The following AGGF1 variants were observed in gnomAD, a reference collection of about 807,000 sequenced individuals.
AGGF1 encodes angiogenic factor with G patch and FHA domains 1.
In AGGF1, 56 loss-of-function variants were observed where a neutral mutation model predicts 86.5. That is an observed-to-expected ratio of 0.65 (90% CI 0.52 to 0.81). The LOEUF is 0.81. Ranked by LOEUF, AGGF1 falls within the 30% of genes least tolerant of loss-of-function variation. The pLI is 0.00. For synonymous variants in AGGF1, 313 were observed against 297.1 expected, an observed-to-expected ratio of 1.05 and a Z score of -0.55; for missense variants, 816 against 850.9, an observed-to-expected ratio of 0.96 and a Z score of 0.51.
chr5:77,036,954 G>C (rs1746980785), intron 4 of AGGF1, among the ~76,000 whole-genome samples: 1 of 152,102 alleles, frequency 6.6e-6, no homozygotes, highest in East Asian at 1.9e-4. Context: ...GGCCAGGCTG[G>C]TCTCGAATTA....
intron 1 of AGGF1, 65 bp downstream of exon 1, chr5:77,031,041 G>C (rs1322856747): frequency 6.4e-7 from 1 of 1,552,664 alleles, no homozygotes; most frequent in Admixed American, 1.7e-5. Flanking sequence ...GCCCGTGATA[G>C]CCTCGGAAGG....
In AGGF1 at chr5:77,030,453, T is replaced by C; in HGVS notation, c.-314T>C. ...GAGCTGCTGGAGCTCTTCTGGCCTC[T>C]GGTTTTCCGACTGCTTATCCGACGC... On this transcript the variant is annotated 5_prime_UTR_variant, in exon 1 of 14. Transcript: ENST00000312916. The C allele has an allele frequency of 1.8e-6, 1 of 561,176 alleles. No homozygotes were observed. The highest frequency in any genetic ancestry group is 3.4e-6 in the Non-Finnish European group (1 of 295,766). The allele number at this position is 561,176 out of a possible 1,614,324, so 34.8% of individuals were successfully genotyped here.
intron 1 of AGGF1, among the ~76,000 whole-genome samples, chr5:77,032,100 A>G (rs1371147889): frequency 1.4e-4 from 22 of 152,096 alleles, no homozygotes; most frequent in Admixed American, 1.4e-3. Context: ...TTGTTTTGTT[A>G]CCAAATGGAC....
At chr5:77,032,630 G>C (rs966010429) in intron 1 of AGGF1, among the ~76,000 whole-genome samples, 5 of 150,260 alleles carry the variant, frequency 3.3e-5, no homozygotes, top group African/African-American at 1.2e-4. Flanking sequence ...TTACATGACA[G>C]CCTTTTGAAA....
In AGGF1 at chr5:77,030,873, T is replaced by G; in HGVS notation, c.107T>G (p.Leu36Arg). 1.9e-6 allele frequency: 3 copies of G among 1,613,428 alleles called. No individual in the cohort carries two copies. The South Asian group carries it at 3.3e-5, about 18-fold the overall frequency. Residue 36 changes from leucine to arginine, a missense_variant, in exon 1 of 14, where the codon CTG becomes CGG. By Grantham distance (102) the Leu-to-Arg change is moderately radical. This residue lies in a region of AGGF1 where 240 missense variants were observed against 234.4 expected (regional missense o/e 1.02). Coordinates refer to ENST00000312916, the MANE Select transcript of AGGF1 (RefSeq NM_018046.5). Reference sequence around the variant, plus strand: ...AAGGTGGAGAAGTTGGAACGTGAACTGCGGAGCTGCAAGCGGCAGGTGCGG... The same window carrying G: ...AAGGTGGAGAAGTTGGAACGTGAACGGCGGAGCTGCAAGCGGCAGGTGCGG... ...RRKVEKLERE[L>R]RSCKRQVREI...
At chr5:77,037,517 C>G (rs1374410146) in intron 4 of AGGF1, among the ~76,000 whole-genome samples, 1 of 152,162 alleles carries the variant, frequency 6.6e-6, no homozygotes, top group African/African-American at 2.4e-5. Flanking sequence ...TGGTGGCTCA[C>G]TCCTTGTAAT....
chr5:77,048,905 A>G (rs1474301806), intron 7 of AGGF1, 31 bp from the exon 8 acceptor site: 1 of 1,607,384 alleles, frequency 6.2e-7, no homozygotes, highest in Admixed American at 1.7e-5. Context: ...TGCTTCAAAA[A>G]TTATTAAAGA....
At chr5:77,039,787 A>G (rs1747036080) in intron 5 of AGGF1, 68 bp downstream of exon 5, 3 of 1,386,938 alleles carry the variant, frequency 2.2e-6, no homozygotes, top group South Asian at 1.3e-5. Context: ...AAAATTTTTT[A>G]TGAAACTGAC....
At chr5:77,040,930 A>G (rs146797083) in intron 5 of AGGF1, among the ~76,000 whole-genome samples, 1 of 151,978 alleles carries the variant, frequency 6.6e-6, no homozygotes, top group African/African-American at 2.4e-5. Flanking sequence ...TGGTGCCATC[A>G]TGGCTCACTG....
At chr5:77,043,455 T>C (rs1747170487) in intron 5 of AGGF1, among the ~76,000 whole-genome samples, 1 of 93,702 alleles carries the variant, frequency 1.1e-5, no homozygotes. Flanking sequence ...GCCCCTCACC[T>C]CCCAGACGGG....
intron 1 of AGGF1, among the ~76,000 whole-genome samples, 198 bp downstream of exon 1, chr5:77,031,174 A>G (rs1331604822): frequency 6.6e-6 from 1 of 152,250 alleles, no homozygotes; most frequent in Non-Finnish European, 1.5e-5. Flanking sequence ...GATTTAAATC[A>G]ATGTCTCGCG....
intron 6 of AGGF1, among the ~76,000 whole-genome samples, chr5:77,047,038 T>G (rs1166629575): frequency 2.0e-5 from 3 of 152,236 alleles, no homozygotes; most frequent in Non-Finnish European, 4.4e-5. Context: ...TTAAAAAGTA[T>G]ACATTATGAA....
chr5:77,034,826 G>T (rs553695453), intron 2 of AGGF1, among the ~76,000 whole-genome samples: 2 of 151,830 alleles, frequency 1.3e-5, no homozygotes, highest in African/African-American at 4.8e-5. Context: ...TTGTGACCAG[G>T]GGCATTTGTT....
At chr5:77,035,469 GTTT>G in intron 2 of AGGF1, 69 bp from the exon 3 acceptor site, 5 of 1,155,560 alleles carry the variant, frequency 4.3e-6, no homozygotes, top group Non-Finnish European at 6.3e-6. Context: ...AAATGCCAGT[GTTT>G]TGTAGTTAAG....
chr5:77,038,485 G>A (rs940775275), intron 4 of AGGF1, among the ~76,000 whole-genome samples: 59 of 152,124 alleles, frequency 3.9e-4, no homozygotes, highest in African/African-American at 1.4e-3. Flanking sequence ...TTTTGAAAAT[G>A]TCTATATTTT....
chr5:77,056,857 G>A (rs1475568465), intron 11 of AGGF1, among the ~76,000 whole-genome samples: 1 of 152,144 alleles, frequency 6.6e-6, no homozygotes, highest in East Asian at 1.9e-4. Context: ...TGCAAATCAT[G>A]TATCTGGTCA....
Position 77,064,904 on chromosome 5 carries a change from T to C in AGGF1, c.*1652T>C, listed in dbSNP as rs1186911781. On this transcript the variant is annotated 3_prime_UTR_variant, in exon 14 of 14. Coordinates refer to ENST00000312916, the MANE Select transcript of AGGF1 (RefSeq NM_018046.5). ...ATATTGGGGAAAACATTTTTTATCA[T>C]TTTCTATTAAGAAAATGGAAAACTT... 1.3e-5 allele frequency: 2 copies of C among 152,186 alleles called. No homozygotes were observed. The highest frequency in any genetic ancestry group is 2.9e-5 in the Non-Finnish European group (2 of 68,046). 9.4% of individuals were successfully genotyped at this position (152,186 alleles called of 1,614,324 possible).
intron 2 of AGGF1, 132 bp downstream of exon 2, chr5:77,034,652 T>C (rs1561283412): frequency 1.4e-6 from 1 of 698,400 alleles, no homozygotes; most frequent in Non-Finnish European, 2.6e-6. Context: ...CGTCTCTCCA[T>C]ATGATAATGG....
intron 5 of AGGF1, among the ~76,000 whole-genome samples, chr5:77,044,933 C>T (rs1747216163): frequency 1.3e-5 from 2 of 151,916 alleles, no homozygotes; most frequent in African/African-American, 4.8e-5. Flanking sequence ...TATGGTGGTG[C>T]GCATGCCTGT....
Sources: gnomAD v4.1 joint callset for allele counts (sites outside exome capture counted in the v4.1 genomes callset) on GRCh38, gnomAD v4.1.1 for gene constraint, gnomAD v4.1.1 regional missense constraint, MANE v1.5 for transcripts, NCBI Gene and HGNC (gene_info 2026-07-23, HGNC 2026-07-21) for gene names.